TUSC3: variants seen among roughly 807,000 people sequenced by gnomAD.
TUSC3 encodes tumor suppressor candidate 3.
In TUSC3, 45 loss-of-function variants were observed where a neutral mutation model predicts 44.8. The observed-to-expected ratio is 1.00, with a 90% CI of 0.79 to 1.29. TUSC3 has a LOEUF of 1.29. TUSC3 is among the 50% of genes most tolerant of loss of function. The pLI is 0.00. For synonymous variants in TUSC3, 212 were observed against 152.9 expected, an observed-to-expected ratio of 1.39 and a Z score of -2.85; for missense variants, 519 against 437.9, an observed-to-expected ratio of 1.19 and a Z score of -1.65.
the TUSC3 span, among the ~76,000 whole-genome samples, chr8:15,780,598 T>A: frequency 2.6e-5 from 4 of 152,316 alleles, no homozygotes; most frequent in East Asian, 7.7e-4. Context: ...GACCATTAGC[T>A]TCTGACTAGT....
At chr8:15,561,188 G>C (rs1350795110) in intron 1 of TUSC3, among the ~76,000 whole-genome samples, 4 of 123,718 alleles carry the variant, frequency 3.2e-5, no homozygotes, top group African/African-American at 1.2e-4. Flanking sequence ...TTTTGGTGTG[G>C]ATGTCCTTTC....
the TUSC3 span, chr8:15,806,728 A>C: frequency 3.7e-6 from 3 of 806,286 alleles, no homozygotes; most frequent in Non-Finnish European, 6.3e-6. Flanking sequence ...ATACAGCCAG[A>C]GAGGCTTTCA....
rs544992031 is a variant in TUSC3 at position 15,618,383 on chromosome 8, T to C, written c.139-4697T>C. Among the ~76,000 whole-genome samples the C allele has an allele frequency of 6.8e-4, 104 of 152,358 alleles. 1 individual carries two copies. The South Asian group carries it at 7.0e-3, about 10-fold the overall frequency. On this transcript the variant is annotated intron_variant, in intron 1 of 10. Transcript: ENST00000503731. ...TACAGCTGTACAAAAATATTTTCTT[T>C]ATATCCTTATTCTGTAAGCTTTTTT...
chr8:15,686,289 CGTGAACAAAT>C, intron 6 of TUSC3, among the ~76,000 whole-genome samples: 2 of 152,110 alleles, frequency 1.3e-5, no homozygotes, highest in Admixed American at 1.3e-4. Flanking sequence ...TAACTCCCAC[CGTGAACAAAT>C]GCGTTATTTT....
At chr8:15,625,562 T>C (rs2129165660) in intron 2 of TUSC3, among the ~76,000 whole-genome samples, 1 of 152,318 alleles carries the variant, frequency 6.6e-6, no homozygotes, top group South Asian at 2.1e-4. Context: ...GCTGAACACA[T>C]GTTCAAGAGC....
At chr8:15,533,556 G>T (rs2129130949) in intron 2 of TUSC3, among the ~76,000 whole-genome samples, 1 of 152,302 alleles carries the variant, frequency 6.6e-6, no homozygotes, top group Admixed American at 6.5e-5. Flanking sequence ...CACCTTGTGA[G>T]GGAGGTATGT....
At chr8:15,784,268 A>G in the TUSC3 span, among the ~76,000 whole-genome samples, 1 of 152,288 alleles carries the variant, frequency 6.6e-6, no homozygotes, top group East Asian at 1.9e-4. Context: ...CAGTACAGCC[A>G]TTTTAGAAAA....
chr8:15,797,846 C>T, the TUSC3 span, among the ~76,000 whole-genome samples: 12 of 152,274 alleles, frequency 7.9e-5, no homozygotes, highest in East Asian at 5.8e-4. Flanking sequence ...CAACGGCTGA[C>T]GTGTTGGGAG....
At chr8:15,501,611 T>A (rs1800966568) in intron 2 of TUSC3, among the ~76,000 whole-genome samples, 1 of 152,176 alleles carries the variant, frequency 6.6e-6, no homozygotes, top group East Asian at 1.9e-4. Flanking sequence ...TACAATGGTT[T>A]ATGGCAATGG....
At chr8:15,807,211 C>A in the TUSC3 span, 5 of 702,582 alleles carry the variant, frequency 7.1e-6, no homozygotes, top group Admixed American at 5.7e-5. Context: ...CTGCGTAGCT[C>A]GTATCGCAAC....
the TUSC3 span, among the ~76,000 whole-genome samples, chr8:15,774,920 C>T: frequency 6.6e-6 from 1 of 152,044 alleles, no homozygotes; most frequent in Non-Finnish European, 1.5e-5. Context: ...ATTAGTAGTT[C>T]TTTAATGAAT....
intron 3 of TUSC3, among the ~76,000 whole-genome samples, chr8:15,659,239 G>T (rs926536849): frequency 6.6e-6 from 1 of 151,942 alleles, no homozygotes; most frequent in Non-Finnish European, 1.5e-5. Context: ...GAAAAAGAAC[G>T]AAATGACTTA....
At chr8:15,793,172 C>A in the TUSC3 span, among the ~76,000 whole-genome samples, 414 of 152,176 alleles carry the variant, frequency 2.7e-3, no homozygotes, top group African/African-American at 9.2e-3. Context: ...CTGACATATG[C>A]TCTCCTGTCT....
At chr8:15,543,589 A>G (rs891861699) in intron 1 of TUSC3, among the ~76,000 whole-genome samples, 1 of 152,100 alleles carries the variant, frequency 6.6e-6, no homozygotes, top group Non-Finnish European at 1.5e-5. Context: ...ATATAACTAT[A>G]TGTATATAAA....
intron 9 of TUSC3, among the ~76,000 whole-genome samples, chr8:15,756,613 G>A (rs755510814): frequency 3.3e-5 from 5 of 152,052 alleles, no homozygotes; most frequent in Admixed American, 6.6e-5. Flanking sequence ...CACATAGTAG[G>A]TGCTCATCAT....
At chr8:15,458,665 A>G (rs1328248966) in intron 1 of TUSC3, among the ~76,000 whole-genome samples, 2 of 152,232 alleles carry the variant, frequency 1.3e-5, no homozygotes, top group South Asian at 2.1e-4. Flanking sequence ...CTGAGATCCA[A>G]TTTTAAAAGT....
the TUSC3 span, among the ~76,000 whole-genome samples, chr8:15,812,964 T>G: frequency 6.6e-6 from 1 of 151,922 alleles, no homozygotes; most frequent in Non-Finnish European, 1.5e-5. Flanking sequence ...CGTGGTGGCA[T>G]GTGACTGTAG....
intron 2 of TUSC3, among the ~76,000 whole-genome samples, chr8:15,524,977 C>G (rs1474797283): frequency 2.0e-5 from 3 of 152,158 alleles, no homozygotes; most frequent in African/African-American, 7.2e-5. Flanking sequence ...CATGCTTGCC[C>G]AGACGTTAGA....
At chr8:15,779,688 C>T in the TUSC3 span, among the ~76,000 whole-genome samples, 7 of 152,244 alleles carry the variant, frequency 4.6e-5, no homozygotes, top group South Asian at 1.0e-3. Context: ...AAAAGTTAGT[C>T]TTTTTAATTG....
Sources: allele counts gnomAD v4.1 joint callset (sites outside exome capture counted in the v4.1 genomes callset), GRCh38; gene constraint gnomAD v4.1.1; transcripts MANE v1.5; gene names NCBI Gene and HGNC (gene_info 2026-07-23, HGNC 2026-07-21).